Variants in TGM2 observed in about 807,000 individuals in gnomAD.
The protein encoded by TGM2 is protein-glutamine gamma-glutamyltransferase 2.
TGM2 carries 53 observed loss-of-function variants against 75.6 expected under a neutral mutation model. That is an observed-to-expected ratio of 0.70 (90% CI 0.56 to 0.88). The LOEUF is 0.88. Among genes scored for constraint, TGM2 ranks in the 40% least tolerant of loss-of-function variants. The pLI, the probability that TGM2 is intolerant of heterozygous loss-of-function variation, is 0.00. For missense variants in TGM2, 842 were observed against 928.5 expected (o/e 0.91, Z 1.21); for synonymous variants, 374 against 381.1 (o/e 0.98, Z 0.22).
At chr20:38,161,734 T>C in intron 1 of TGM2, 135 bp from the exon 2 acceptor site, 1 of 1,052,734 alleles carries the variant, frequency 9.5e-7, no homozygotes, top group East Asian at 2.5e-5. Flanking sequence ...TCGACTGACC[T>C]GTCTCCCCAG....
At chr20:38,143,747 C>A (rs2075008292) in intron 6 of TGM2, among the ~76,000 whole-genome samples, 1 of 152,176 alleles carries the variant, frequency 6.6e-6, no homozygotes, top group South Asian at 2.1e-4. Flanking sequence ...TGAAGAGAAA[C>A]AAGATTAGGC....
intron 6 of TGM2, among the ~76,000 whole-genome samples, chr20:38,143,207 G>C (rs936708015): frequency 1.3e-5 from 2 of 152,172 alleles, no homozygotes; most frequent in Non-Finnish European, 2.9e-5. Context: ...CCAAGATAGG[G>C]ACTTAAAGAC....
chr20:38,151,747 A>T (rs1446453085), intron 3 of TGM2, among the ~76,000 whole-genome samples: 2 of 152,234 alleles, frequency 1.3e-5, no homozygotes, highest in Non-Finnish European at 2.9e-5. Context: ...ATGTTGTCTT[A>T]AAAAATGATT....
intron 4 of TGM2, among the ~76,000 whole-genome samples, chr20:38,148,912 C>A (rs1280937441): frequency 6.6e-6 from 1 of 152,198 alleles, no homozygotes; most frequent in African/African-American, 2.4e-5. Flanking sequence ...GCTCTTTTCC[C>A]CCCACTTCTG....
rs985041874 is a variant in TGM2 at position 38,165,261 on chromosome 20, G to A, written c.-63C>T. ...AGACCCTCCAAGTGCGACCACTGGCGGCTGGCACTGCCGAGGCGGAGAGCG... is the reference window on the plus strand; with the variant it reads ...AGACCCTCCAAGTGCGACCACTGGCAGCTGGCACTGCCGAGGCGGAGAGCG... On this transcript the variant is annotated 5_prime_UTR_variant, in exon 1 of 13. Transcript: ENST00000361475. 3.1e-6 allele frequency: 5 copies of A among 1,608,968 alleles called. No homozygotes were observed. Among genetic ancestry groups the A allele is most frequent in the Admixed American group, 3.3e-5 (2 of 59,972 alleles).
intron 9 of TGM2, among the ~76,000 whole-genome samples, 191 bp downstream of exon 9, chr20:38,139,221 C>T (rs1206393423): frequency 6.6e-6 from 1 of 152,130 alleles, no homozygotes; most frequent in Non-Finnish European, 1.5e-5. Flanking sequence ...ATGAATAATC[C>T]TCTACCACTG....
chr20:38,156,158 G>C (rs2075185021), intron 2 of TGM2, 69 bp from the exon 3 acceptor site: 4 of 1,563,098 alleles, frequency 2.6e-6, no homozygotes, highest in Non-Finnish European at 3.5e-6. Flanking sequence ...ACCTACGTGG[G>C]GTCCCCCAGC....
At chr20:38,159,292 G>A (rs931719617) in intron 2 of TGM2, among the ~76,000 whole-genome samples, 8 of 152,150 alleles carry the variant, frequency 5.3e-5, no homozygotes, top group African/African-American at 1.4e-4. Flanking sequence ...TCACTTATAA[G>A]TGGGAGAGAA....
At chr20:38,166,471 T>C (rs1568709771), upstream of TGM2, 2 of 152,268 alleles carry the variant, frequency 1.3e-5, no homozygotes, top group Non-Finnish European at 2.9e-5. Context: ...TCCTGGTATC[T>C]CTGGTCTCTT....
chr20:38,130,762 C>T (rs989905227), intron 12 of TGM2, among the ~76,000 whole-genome samples: 8 of 152,192 alleles, frequency 5.3e-5, no homozygotes, highest in East Asian at 1.9e-4. Flanking sequence ...GAAACACCCA[C>T]GCATGCATAT....
chr20:38,157,532 A>G (rs2284879), intron 2 of TGM2, among the ~76,000 whole-genome samples: 29,892 of 152,206 alleles, frequency 0.2, 3,638 homozygotes, highest in East Asian at 0.48. Flanking sequence ...TGCCTGGGAG[A>G]GTCCAATCTC....
intron 7 of TGM2, among the ~76,000 whole-genome samples, chr20:38,141,745 C>G (rs2074978203): frequency 6.6e-6 from 1 of 151,482 alleles, no homozygotes; most frequent in Non-Finnish European, 1.5e-5. Context: ...ATCTCTTCCC[C>G]TCTAGCCCTC....
At chr20:38,143,758 G>A (rs778717347) in intron 6 of TGM2, among the ~76,000 whole-genome samples, 4 of 152,236 alleles carry the variant, frequency 2.6e-5, no homozygotes, top group Non-Finnish European at 4.4e-5. Flanking sequence ...AAGATTAGGC[G>A]TAATAAGGTA....
chr20:38,138,410 C>G, intron 9 of TGM2, 25 bp from the exon 10 acceptor site: 1 of 1,613,136 alleles, frequency 6.2e-7, no homozygotes, highest in Middle Eastern at 1.9e-4. Flanking sequence ...AAGAGAGCCT[C>G]AATCACAGCT....
intron 10 of TGM2, 141 bp downstream of exon 10, chr20:38,137,972 G>C: frequency 6.9e-7 from 1 of 1,448,804 alleles, no homozygotes; most frequent in Non-Finnish European, 9.1e-7. Flanking sequence ...TATTTATAAA[G>C]TGCTTAGGAC....
intron 11 of TGM2, among the ~76,000 whole-genome samples, chr20:38,131,714 T>C (rs995747386): frequency 1.8e-4 from 28 of 152,110 alleles, no homozygotes; most frequent in African/African-American, 6.5e-4. Context: ...CTGTTTACCA[T>C]TTAAGTGTAA....
chr20:38,165,129 G>C (rs1410128936), intron 1 of TGM2, 60 bp downstream of exon 1: 3 of 1,613,404 alleles, frequency 1.9e-6, no homozygotes, highest in South Asian at 1.1e-5. Flanking sequence ...CTCCCACCGG[G>C]TCCTGACCCC....
upstream of TGM2, among the ~76,000 whole-genome samples, chr20:38,165,671 A>ACC (rs2075304011): frequency 7.0e-6 from 1 of 143,226 alleles, no homozygotes; most frequent in African/African-American, 2.6e-5. Context: ...CCCCACCCCC[A>ACC]ACACACACAC....
At chr20:38,132,918 TC>T (rs1485378088) in intron 10 of TGM2, 1 of 451,144 alleles carries the variant, frequency 2.2e-6, no homozygotes, top group Non-Finnish European at 4.5e-6. Context: ...GGGCCCTTCA[TC>T]CTGGGGAGGA....
Sources: gnomAD v4.1 joint callset for allele counts (sites outside exome capture counted in the v4.1 genomes callset) on GRCh38, gnomAD v4.1.1 for gene constraint, MANE v1.5 for transcripts, NCBI Gene and HGNC (gene_info 2026-07-23, HGNC 2026-07-21) for gene names.